The following VWDE variants were observed in gnomAD, a reference collection of about 807,000 sequenced individuals.
The protein encoded by VWDE is von Willebrand factor D and EGF domain-containing protein.
A neutral mutation model predicts 178.4 loss-of-function variants in VWDE; 207 were observed. The ratio of observed to expected loss-of-function variants is 1.16; its 90% CI spans 1.04 to 1.30. The LOEUF (loss-of-function observed/expected upper bound fraction) is 1.30, where lower values mean the gene tolerates loss of function less well. Among genes scored for constraint, VWDE ranks in the 50% most tolerant of loss-of-function variants. VWDE has a pLI of 0.00. For synonymous variants in VWDE, 738 were observed against 651.4 expected (o/e 1.13, Z -2.02); for missense variants, 2,287 against 1,901.3 (o/e 1.20, Z -3.77).
intron 23 of VWDE, among the ~76,000 whole-genome samples, chr7:12,340,946 T>C (rs1781296178): frequency 6.6e-6 from 1 of 152,150 alleles, no homozygotes; most frequent in Non-Finnish European, 1.5e-5. Flanking sequence ...TTATTTTTGT[T>C]TTGCTTTGAA....
At chr7:12,344,785 CT>C (rs1781512427) in intron 19 of VWDE, among the ~76,000 whole-genome samples, 1 of 152,030 alleles carries the variant, frequency 6.6e-6, no homozygotes, top group East Asian at 1.9e-4. Context: ...GAAACAATGC[CT>C]TTAAAATTAA....
intron 19 of VWDE, among the ~76,000 whole-genome samples, chr7:12,345,323 A>G (rs1781544829): frequency 6.6e-6 from 1 of 152,272 alleles, no homozygotes; most frequent in East Asian, 1.9e-4. Flanking sequence ...ATGGAAAAGC[A>G]TATCTTTTTA....
At chr7:12,380,300 C>T (rs1212048962) in intron 5 of VWDE, among the ~76,000 whole-genome samples, 186 bp downstream of exon 5, 1 of 150,808 alleles carries the variant, frequency 6.6e-6, no homozygotes, top group Non-Finnish European at 1.5e-5. Flanking sequence ...TATATAGTCA[C>T]TAAGATCACT....
chr7:12,337,260 G>C lies in VWDE; in HGVS notation c.4379C>G (p.Pro1460Arg). The change falls in exon 25 of 29, where the codon CCT becomes CGT. Residue 1460 changes from proline (P) to arginine (R), a missense_variant. By Grantham distance (103) the Pro-to-Arg change is moderately radical. Transcript: ENST00000275358. ...GEHCQNAFCHPPCKNGGHCMR... is the reference protein window; with the variant it reads ...GEHCQNAFCHRPCKNGGHCMR... ...GCAGTGGCCACCATTCTTACAGGGA[G>C]GGTGACAGAAAGCTAAAAGAACACA... 3 of 1,551,828 alleles carry C rather than the reference G, an allele frequency of 1.9e-6. No individual in the cohort carries two copies. Among genetic ancestry groups the C allele is most frequent in the Non-Finnish European group, 2.6e-6 (3 of 1,146,962 alleles).
At chr7:12,343,953 T>C (rs1562466093) in intron 21 of VWDE, among the ~76,000 whole-genome samples, 1 of 152,114 alleles carries the variant, frequency 6.6e-6, no homozygotes, top group Admixed American at 6.6e-5. Context: ...TTTCAGAGGG[T>C]AATTTTACCA....
chr7:12,343,769 G>C (rs558473760), intron 21 of VWDE, among the ~76,000 whole-genome samples: 1 of 152,238 alleles, frequency 6.6e-6, no homozygotes, highest in East Asian at 1.9e-4. Context: ...TATGGCTACA[G>C]ATGTATTTTT....
intron 2 of VWDE, among the ~76,000 whole-genome samples, chr7:12,391,446 G>C (rs1046044285): frequency 6.6e-6 from 1 of 152,310 alleles, no homozygotes; most frequent in African/African-American, 2.4e-5. Flanking sequence ...CAGGTTAGCT[G>C]ATCTCCAGGA....
rs748362253 is a variant in VWDE, at chr7:12,403,742, G to A, written c.-26C>T. On this transcript the variant is annotated 5_prime_UTR_variant, in exon 1 of 29. Coordinates refer to ENST00000275358, the MANE Select transcript of VWDE (RefSeq NM_001135924.3). ...CGCTGCTTCCGCAGGTGGGGCGAAAGGCGTCGCAGAGCCCGGGCCGCGGGT... is the reference window on the plus strand; with the variant it reads ...CGCTGCTTCCGCAGGTGGGGCGAAAAGCGTCGCAGAGCCCGGGCCGCGGGT... 4 of 1,550,014 alleles carry A rather than the reference G, an allele frequency of 2.6e-6. No individual in the cohort carries two copies. Among genetic ancestry groups the A allele is most frequent in the Non-Finnish European group, 2.6e-6 (3 of 1,146,080 alleles).
rs1278832774 is a variant in VWDE, at chr7:12,373,343, T to C, written c.1317-96A>G. The C allele has an allele frequency of 2.3e-5, 30 of 1,295,516 alleles. No individual in the cohort carries two copies. The East Asian group carries it at 7.6e-4, about 33-fold the overall frequency. 80.3% of individuals were successfully genotyped at this position (1,295,516 alleles called of 1,614,324 possible). On this transcript the variant is annotated intron_variant, in intron 9 of 28. Coordinates refer to ENST00000275358, the MANE Select transcript of VWDE (RefSeq NM_001135924.3). ...AACAGCTTTATGTATCACGATCATT[T>C]TGTTGTATGCACTGAAGGAAACAAA... is the stretch of plus-strand genomic sequence containing the variant.
chr7:12,389,142 C>T lies in VWDE; in HGVS notation c.460G>A (p.Gly154Ser), dbSNP rs1784248243. The T allele has an allele frequency of 1.9e-6, 3 of 1,547,648 alleles. No individual in the cohort carries two copies. The highest frequency in any genetic ancestry group is 2.6e-6 in the Non-Finnish European group (3 of 1,143,034). ...YLLQPTQGCMGYCAEAISDAR... is the reference protein window; with the variant it reads ...YLLQPTQGCMSYCAEAISDAR... Reference sequence around the variant, plus strand: ...GTTTTCTTACCTTCCGCACAGTAGCCCATACATCCCTGAGTTGGTTGTAGT... The same window carrying T: ...GTTTTCTTACCTTCCGCACAGTAGCTCATACATCCCTGAGTTGGTTGTAGT... Residue 154 changes from glycine to serine, a missense_variant, in exon 3 of 29, where the codon GGC (glycine) becomes AGC (serine). Coordinates refer to ENST00000275358, the MANE Select transcript of VWDE (RefSeq NM_001135924.3).
At chr7:12,331,523 C>T (rs748793256) in intron 28 of VWDE, among the ~76,000 whole-genome samples, 1 of 152,078 alleles carries the variant, frequency 6.6e-6, no homozygotes, top group Non-Finnish European at 1.5e-5. Flanking sequence ...TAACACATTG[C>T]AGTGTTTCTC....
intron 9 of VWDE, among the ~76,000 whole-genome samples, chr7:12,373,561 T>C (rs28432320): frequency 0.03 from 4,575 of 152,208 alleles, 215 homozygotes; most frequent in African/African-American, 0.1. Flanking sequence ...GTAACCACTC[T>C]ATTTTAATAT....
chr7:12,382,940 G>T (rs773302752), intron 4 of VWDE, among the ~76,000 whole-genome samples: 13 of 151,234 alleles, frequency 8.6e-5, no homozygotes, highest in Non-Finnish European at 1.9e-4. Context: ...GAAAGGAAGA[G>T]AAAAATTTTA....
chr7:12,336,314 T>G, intron 26 of VWDE, 78 bp from the exon 27 acceptor site: 3 of 1,213,038 alleles, frequency 2.5e-6, no homozygotes, highest in Non-Finnish European at 3.4e-6. Context: ...AACTTTTCAT[T>G]AGAGAGAAAA....
At chr7:12,342,976 T>A (rs957030853) in intron 22 of VWDE, 107 bp downstream of exon 22, 2 of 741,296 alleles carry the variant, frequency 2.7e-6, no homozygotes, top group Non-Finnish European at 4.3e-6. Flanking sequence ...ACTATCACAA[T>A]GTGTGTTCTT....
chr7:12,334,540 T>C (rs994794726), intron 27 of VWDE, among the ~76,000 whole-genome samples: 1 of 152,222 alleles, frequency 6.6e-6, no homozygotes, highest in Non-Finnish European at 1.5e-5. Context: ...ATTCACATGA[T>C]ACATATCATA....
chr7:12,359,764 G>T, intron 15 of VWDE, 72 bp from the exon 16 acceptor site: 1 of 859,390 alleles, frequency 1.2e-6, no homozygotes, highest in Middle Eastern at 2.6e-4. Flanking sequence ...ATAGAAGGAT[G>T]GCAGTGTATG....
chr7:12,390,034 G>T (rs1032493685), intron 2 of VWDE, among the ~76,000 whole-genome samples: 8 of 152,050 alleles, frequency 5.3e-5, no homozygotes, highest in African/African-American at 1.9e-4. Context: ...GTGTGGTGGC[G>T]TGCGCCTGTA....
chr7:12,370,914 A>C, intron 10 of VWDE, 50 bp from the exon 11 acceptor site: 1 of 1,337,714 alleles, frequency 7.5e-7, no homozygotes, highest in East Asian at 2.6e-5. Flanking sequence ...AGCAATATTC[A>C]ACCTGGATTA....
Sources: gnomAD v4.1 joint callset for allele counts (sites outside exome capture counted in the v4.1 genomes callset) on GRCh38, gnomAD v4.1.1 for gene constraint, MANE v1.5 for transcripts, NCBI Gene and HGNC (gene_info 2026-07-23, HGNC 2026-07-21) for gene names.